MTAP: variants seen among roughly 807,000 people sequenced by gnomAD.
MTAP encodes the protein methylthioadenosine phosphorylase, also known as S-methyl-5'-thioadenosine phosphorylase.
In MTAP, 33 loss-of-function variants were observed where a neutral mutation model predicts 33.6. The observed-to-expected ratio is 0.98, with a 90% CI of 0.74 to 1.31. The LOEUF is 1.31. Ranked by LOEUF, MTAP falls within the 40% of genes most tolerant of loss-of-function variation. MTAP has a pLI of 0.00. For synonymous variants in MTAP, 148 were observed against 125.7 expected (o/e 1.18, Z -1.19); for missense variants, 367 against 360.0 (o/e 1.02, Z -0.16).
At chr9:21,803,356 G>GGA (rs1226052357) in intron 1 of MTAP, 1 of 164,572 alleles carries the variant, frequency 6.1e-6, no homozygotes. Context: ...TCTCCGCGCT[G>GGA]AAGTTTTCCC....
At chr9:21,831,802 A>C (rs977893032) in intron 4 of MTAP, among the ~76,000 whole-genome samples, 3 of 150,988 alleles carry the variant, frequency 2.0e-5, no homozygotes, top group Admixed American at 6.6e-5. Context: ...TTTTTTTTAC[A>C]ATGAGAAAAA....
chr9:21,830,403 A>C (rs1423334173), intron 4 of MTAP, among the ~76,000 whole-genome samples: 1 of 152,060 alleles, frequency 6.6e-6, no homozygotes, highest in Admixed American at 6.5e-5. Context: ...CTCCTGCTGG[A>C]TTGTGTTTGA....
At chr9:21,806,818 A>G (rs1322044341) in intron 1 of MTAP, among the ~76,000 whole-genome samples, 1 of 152,152 alleles carries the variant, frequency 6.6e-6, no homozygotes, top group East Asian at 1.9e-4. Flanking sequence ...GGGCTCCTGC[A>G]GTGTACCATG....
chr9:21,845,667 T>C (rs1463105831), intron 5 of MTAP, among the ~76,000 whole-genome samples: 1 of 152,050 alleles, frequency 6.6e-6, no homozygotes, highest in African/African-American at 2.4e-5. Flanking sequence ...CACAGAAATA[T>C]AAAAGTATCA....
chr9:21,917,574 TAAA>T (rs1818711367), intron 1 of MTAP, among the ~76,000 whole-genome samples: 2 of 152,052 alleles, frequency 1.3e-5, no homozygotes, highest in African/African-American at 4.8e-5. Flanking sequence ...TGGCCATAAT[TAAA>T]AAGTCAAAAA....
chr9:21,904,745 A>G (rs1045625175), intron 1 of MTAP, among the ~76,000 whole-genome samples: 4 of 152,212 alleles, frequency 2.6e-5, no homozygotes, highest in African/African-American at 9.6e-5. Flanking sequence ...TTTTCAGCAT[A>G]TAATTGTCTC....
At chr9:21,912,310 C>G (rs190011772) in intron 1 of MTAP, among the ~76,000 whole-genome samples, 19 of 152,170 alleles carry the variant, frequency 1.2e-4, no homozygotes, top group Non-Finnish European at 2.4e-4. Context: ...GATACCAAAG[C>G]CTGGCAGAGA....
At chr9:21,912,986 A>G (rs1383512726) in intron 1 of MTAP, among the ~76,000 whole-genome samples, 2 of 152,090 alleles carry the variant, frequency 1.3e-5, no homozygotes, top group African/African-American at 2.4e-5. Flanking sequence ...TTATACACCA[A>G]TAACAGACAG....
chr9:21,807,310 T>G (rs1824231255), intron 1 of MTAP, among the ~76,000 whole-genome samples: 1 of 152,210 alleles, frequency 6.6e-6, no homozygotes, highest in African/African-American at 2.4e-5. Context: ...CTGTGGAATA[T>G]GGGCCTTTAC....
intron 4 of MTAP, among the ~76,000 whole-genome samples, chr9:21,820,488 T>C (rs1824605534): frequency 6.6e-6 from 1 of 152,222 alleles, no homozygotes; most frequent in African/African-American, 2.4e-5. Flanking sequence ...CTCTGTTCTG[T>C]TCCATTGGTC....
At chr9:21,895,703 C>T (rs375657748) in intron 1 of MTAP, among the ~76,000 whole-genome samples, 75 of 152,340 alleles carry the variant, frequency 4.9e-4, no homozygotes, top group African/African-American at 1.5e-3. Context: ...CACAGAGCCT[C>T]GCTCACTGCT....
downstream of MTAP, among the ~76,000 whole-genome samples, chr9:21,871,888 G>C (rs1427802260): frequency 6.6e-6 from 1 of 152,120 alleles, no homozygotes; most frequent in Non-Finnish European, 1.5e-5. Context: ...TTACATATTA[G>C]GTGTTCAATA....
chr9:21,874,717 C>CT (rs552845207), intron 1 of MTAP, among the ~76,000 whole-genome samples: 19 of 140,590 alleles, frequency 1.4e-4, no homozygotes, highest in Non-Finnish European at 2.6e-4. Flanking sequence ...TTTAATTATA[C>CT]TTTAAGTGCT....
rs190629404 is a variant in MTAP at position 21,848,352 on chromosome 9, G to A, written c.451-6279G>A. On this transcript the variant is annotated intron_variant, in intron 5 of 7. Coordinates refer to ENST00000644715, the MANE Select transcript of MTAP (RefSeq NM_002451.4). ...TATATAAACAGAAATCTGGAGAACA[G>A]GCATGGGAATGGATACTAAGGGTGT... is the stretch of plus-strand genomic sequence containing the variant. Among the ~76,000 whole-genome samples, 276 of 152,312 alleles carry A rather than the reference G, an allele frequency of 1.8e-3. 5 individuals are homozygous for A. Among genetic ancestry groups the A allele is most frequent in the African/African-American group, 6.3e-3 (264 of 41,580 alleles).
chr9:21,900,018 C>T (rs1818364009), intron 1 of MTAP, among the ~76,000 whole-genome samples: 2 of 152,094 alleles, frequency 1.3e-5, no homozygotes, highest in East Asian at 1.9e-4. Flanking sequence ...ATACCATATA[C>T]AAAAATCAAC....
At chr9:21,848,778 T>C (rs149770411) in intron 5 of MTAP, among the ~76,000 whole-genome samples, 75 of 152,292 alleles carry the variant, frequency 4.9e-4, no homozygotes, top group African/African-American at 1.8e-3. Context: ...ACTGTGGTAA[T>C]GTCAGATCTA....
chr9:21,831,943 G>A (rs145476732), intron 4 of MTAP, among the ~76,000 whole-genome samples: 6 of 152,288 alleles, frequency 3.9e-5, no homozygotes, highest in African/African-American at 1.2e-4. Flanking sequence ...CCTTCTCAAA[G>A]AATGCAGTGG....
chr9:21,881,587 A>G lies in MTAP; in HGVS notation c.147+26717A>G, dbSNP rs572916571. On this transcript the variant is annotated intron_variant, in intron 1 of 1. Coordinates refer to the MTAP transcript ENST00000577563. ...AAGTGGGCAGAAGACTTGAATAGAC[A>G]TTTTTTCAATGATGATAGCAAATAA... 1.6e-3 allele frequency among the ~76,000 whole-genome samples: 236 copies of G among 152,150 alleles called. 1 individual carries two copies. Among genetic ancestry groups the G allele is most frequent in the African/African-American group, 5.4e-3 (224 of 41,536 alleles).
downstream of MTAP, among the ~76,000 whole-genome samples, chr9:21,871,137 A>G (rs1275997969): frequency 6.6e-6 from 1 of 152,208 alleles, no homozygotes; most frequent in Non-Finnish European, 1.5e-5. Context: ...ACTTTGAAAA[A>G]ATAGACTCAC....
Sources: allele counts gnomAD v4.1 joint callset (sites outside exome capture counted in the v4.1 genomes callset), GRCh38; gene constraint gnomAD v4.1.1; transcripts MANE v1.5; gene names NCBI Gene and HGNC (gene_info 2026-07-23, HGNC 2026-07-21).